SLC41A1: variants seen among roughly 807,000 people sequenced by gnomAD.
SLC41A1 encodes solute carrier family 41 (magnesium transporter), member 1.
A neutral mutation model predicts 47.3 loss-of-function variants in SLC41A1; 20 were observed. The observed-to-expected ratio is 0.42, with a 90% CI of 0.30 to 0.61. The LOEUF (loss-of-function observed/expected upper bound fraction) is 0.61, where lower values mean the gene tolerates loss of function less well. Ranked by LOEUF, SLC41A1 falls within the 20% of genes least tolerant of loss-of-function variation. The probability of loss-of-function intolerance (pLI) is 0.17; values close to 1 mark genes in which losing one functional copy is unlikely to be tolerated. For synonymous variants in SLC41A1, 282 were observed against 272.7 expected (o/e 1.03, Z -0.34); for missense variants, 504 against 674.1 (o/e 0.75, Z 2.79).
chr1:205,813,189 G>A lies in SLC41A1; in HGVS notation c.-1028C>T. On this transcript the variant is annotated 5_prime_UTR_variant, in exon 1 of 11. Transcript: ENST00000367137. ...TGGCTGCCGGTGGCAAACGTGATCT[G>A]GGGCAGACTGGGTGGCACCCCCCCC... is the stretch of plus-strand genomic sequence containing the variant. The A allele has an allele frequency of 1.0e-6, 1 of 985,466 alleles. No homozygotes were observed. The highest frequency in any genetic ancestry group is 1.2e-6 in the Non-Finnish European group (1 of 830,008). 61.0% of individuals were successfully genotyped at this position (985,466 alleles called of 1,614,324 possible).
At chr1:205,799,477 C>T (rs971821658) in intron 4 of SLC41A1, among the ~76,000 whole-genome samples, 4 of 152,176 alleles carry the variant, frequency 2.6e-5, no homozygotes, top group Non-Finnish European at 5.9e-5. Flanking sequence ...TGGCACAGGA[C>T]ATCTCAGCAC....
Position 205,797,932 on chromosome 1 carries a change from G to A in SLC41A1, c.964C>T (p.Pro322Ser). The part of the protein sequence containing the change: ...TREVLYSGWE[P>S]VIIAMAISSV... Reference sequence around the variant, plus strand: ...CTGATGGCCATGGCAATGATAACAGGCTCCCAGCCCGAGTACAACACCTCC... The same window carrying A: ...CTGATGGCCATGGCAATGATAACAGACTCCCAGCCCGAGTACAACACCTCC... Residue 322 changes from proline (P) to serine (S), a missense_variant, in exon 7 of 11, where the codon CCT becomes TCT. By Grantham distance (74) the Pro-to-Ser change is moderately conservative. Around this residue, in one of 2 missense-constraint regions of SLC41A1, gnomAD observed 421 missense variants for 601.6 expected, o/e 0.70. Transcript: ENST00000367137. 1 of 1,614,018 alleles carries A rather than the reference G, an allele frequency of 6.2e-7. No individual in the cohort carries two copies. Among genetic ancestry groups the A allele is most frequent in the East Asian group, 2.2e-5 (1 of 44,868 alleles).
chr1:205,799,059 C>A lies in SLC41A1; in HGVS notation c.595G>T (p.Val199Phe). ...VVGFLASIAA[V>F]VFGWIPDGHF... ...CCATCAGGGATCCAGCCAAAGACGA[C>A]GGCTGCGATGGACGCCAGGAAGCCC... is the stretch of plus-strand genomic sequence containing the variant. Residue 199 changes from valine (V) to phenylalanine (F), a missense_variant, in exon 5 of 11, where the codon GTC becomes TTC. This residue lies in a region of SLC41A1 where 421 missense variants were observed against 601.6 expected (regional missense o/e 0.70). Transcript: ENST00000367137. 1.9e-6 allele frequency: 3 copies of A among 1,613,168 alleles called. No individual in the cohort carries two copies. The highest frequency in any genetic ancestry group is 1.8e-4 in the Middle Eastern group (1 of 5,490).
At chr1:205,799,927 G>T in intron 3 of SLC41A1, 97 bp from the exon 4 acceptor site, 2 of 1,030,738 alleles carry the variant, frequency 1.9e-6, no homozygotes, top group Non-Finnish European at 3.0e-6. Context: ...CAGTACATGT[G>T]GCCTAAGACT....
At position 205,810,390 on chromosome 1, in the gene SLC41A1, G is replaced by C. The variant is rs981475846; in HGVS notation, c.52C>G (p.Pro18Ala). ...TCTGAAGAGCAGGGAGAGGCAGAAGGGCCAGTCCCGTTCAGTTGGTGGACG... is the reference window on the plus strand; with the variant it reads ...TCTGAAGAGCAGGGAGAGGCAGAAGCGCCAGTCCCGTTCAGTTGGTGGACG... ...KDVHQLNGTG[P>A]SASPCSSDGP... Residue 18 changes from proline (P) to alanine (A), a missense_variant, in exon 2 of 11, where the codon CCT becomes GCT. Pro to Ala is a conservative substitution (Grantham distance 27). Around this residue, in one of 2 missense-constraint regions of SLC41A1, gnomAD observed 83 missense variants for 72.5 expected, o/e 1.15. Transcript: ENST00000367137. The surrounding 1 kb of genome is among the most constrained non-coding windows in gnomAD (Gnocchi z 5.5). 6.2e-7 allele frequency: 1 copy of C among 1,614,060 alleles called. No homozygotes were observed. Among genetic ancestry groups the C allele is most frequent in the Non-Finnish European group, 8.5e-7 (1 of 1,180,046 alleles).
At chr1:205,795,302 C>A in intron 9 of SLC41A1, 42 bp downstream of exon 9, 1 of 1,613,894 alleles carries the variant, frequency 6.2e-7, no homozygotes, top group Non-Finnish European at 8.5e-7. Context: ...TGACAGTAGG[C>A]CCACTCCCCC....
At chr1:205,800,064 C>A (rs1018516355) in intron 3 of SLC41A1, among the ~76,000 whole-genome samples, 1 of 152,196 alleles carries the variant, frequency 6.6e-6, no homozygotes, top group Non-Finnish European at 1.5e-5. Flanking sequence ...CCTAGGCAGT[C>A]GCCTCTCTTC....
At position 205,791,781 on chromosome 1, in the gene SLC41A1, C is replaced by G; in HGVS notation, c.1357-63G>C. ...TCTCTCCAGGGGGAGCCAGAGGCCA[C>G]ATGATCAGACCCATTCAGTGCATCA... On this transcript the variant is annotated intron_variant, in intron 10 of 10. Coordinates refer to ENST00000367137, the MANE Select transcript of SLC41A1 (RefSeq NM_173854.6). This position sits in a 1 kb window ranked among gnomAD's most constrained non-coding sequence, Gnocchi z 4.0. The G allele has an allele frequency of 6.3e-7, 1 of 1,583,182 alleles. No homozygotes were observed. Among genetic ancestry groups the G allele is most frequent in the Non-Finnish European group, 8.6e-7 (1 of 1,161,542 alleles).
intron 8 of SLC41A1, chr1:205,796,522 G>A: frequency 1.2e-5 from 3 of 256,704 alleles, no homozygotes; most frequent in Non-Finnish European, 1.5e-5. Flanking sequence ...CCATTTGGAT[G>A]TTTGGATGCA....
At chr1:205,800,637 A>G (rs1290752213) in intron 3 of SLC41A1, among the ~76,000 whole-genome samples, 1 of 152,130 alleles carries the variant, frequency 6.6e-6, no homozygotes, top group Non-Finnish European at 1.5e-5. Flanking sequence ...AGGAACCAGC[A>G]TGATGCCTGC....
At chr1:205,800,859 C>G (rs998992475) in intron 3 of SLC41A1, 94 bp downstream of exon 3, 1 of 1,171,086 alleles carries the variant, frequency 8.5e-7, no homozygotes, top group African/African-American at 1.5e-5. Context: ...CAGGCCTGGG[C>G]AGTGGAGAAG....
intron 10 of SLC41A1, among the ~76,000 whole-genome samples, chr1:205,793,899 A>G (rs988096435): frequency 6.6e-6 from 1 of 152,248 alleles, no homozygotes; most frequent in Admixed American, 6.5e-5. Flanking sequence ...ATGGCTGTGA[A>G]GAAGAGGACA....
intron 2 of SLC41A1, among the ~76,000 whole-genome samples, chr1:205,807,158 T>C (rs559225192): frequency 2.0e-5 from 3 of 152,278 alleles, no homozygotes; most frequent in East Asian, 1.9e-4. Flanking sequence ...GAATCTGAGA[T>C]TGTCAGTCCC....
In SLC41A1 at chr1:205,794,946, A is replaced by T; in HGVS notation, c.1280T>A (p.Ile427Asn). The T allele has an allele frequency of 6.2e-7, 1 of 1,614,082 alleles. No individual in the cohort carries two copies. ...GGTGTGCCCGCCCTGCATACAGCTG[A>T]TGGTGTAGAGGAACACCAGGTGTCC... ...VPGHLVFLYT[I>N]SCMQGGHTTL... The change falls in exon 10 of 11, where the codon ATC (isoleucine) becomes AAC (asparagine). Residue 427 changes from isoleucine (I) to asparagine (N), a missense_variant. Physicochemically the swap from Ile to Asn is moderately radical, Grantham distance 149. Around this residue, in one of 2 missense-constraint regions of SLC41A1, gnomAD observed 421 missense variants for 601.6 expected, o/e 0.70. Coordinates refer to ENST00000367137, the MANE Select transcript of SLC41A1 (RefSeq NM_173854.6).
chr1:205,812,468 C>T (rs1656179609), intron 1 of SLC41A1, among the ~76,000 whole-genome samples: 1 of 152,224 alleles, frequency 6.6e-6, no homozygotes, highest in South Asian at 2.1e-4. Context: ...AAAGCTGACA[C>T]CCCCGCCTCC....
chr1:205,795,170 G>A (rs1354055224), intron 9 of SLC41A1, 152 bp from the exon 10 acceptor site: 35 of 1,420,696 alleles, frequency 2.5e-5, no homozygotes, highest in Non-Finnish European at 3.2e-5. Context: ...CAACCCCTAG[G>A]GTGCTCCAGG....
rs747442916 is a variant in SLC41A1 at position 205,795,017 on chromosome 1, A to C, written c.1209T>G (p.Asp403Glu). ...PSPCTTFFSP[D>E]VNSRSARVLF... The stretch of plus-strand genomic sequence containing the variant: ...GGACCCGGGCTGAGCGAGAATTCAC[A>C]TCTGGAATTGGGGAAAAGAGGGTGT... The change falls in exon 10 of 11, where the codon GAT (aspartate) becomes GAG (glutamate). Residue 403 changes from aspartate to glutamate, a missense_variant and splice_region_variant. By Grantham distance (45) the Asp-to-Glu change is conservative. This residue lies in a region of SLC41A1 where 421 missense variants were observed against 601.6 expected (regional missense o/e 0.70). Transcript: ENST00000367137. 2.5e-6 allele frequency: 4 copies of C among 1,613,876 alleles called. No homozygotes were observed. The highest frequency in any genetic ancestry group is 3.4e-6 in the Non-Finnish European group (4 of 1,179,946).
Position 205,803,371 on chromosome 1 carries a change from T to G in SLC41A1, c.373-2311A>C, listed in dbSNP as rs147018874. Among the ~76,000 whole-genome samples, 388 of 152,296 alleles carry G rather than the reference T, an allele frequency of 2.5e-3. 2 individuals carry two copies. The South Asian group carries it at 0.027, about 10-fold the overall frequency. ...TCTTGAAGATATATTAATATGCCCA[T>G]GTTCATAGTAGCACTATATGTAATA... On this transcript the variant is annotated intron_variant, in intron 2 of 10. Transcript: ENST00000367137.
chr1:205,806,254 A>G (rs1656012334), intron 2 of SLC41A1, among the ~76,000 whole-genome samples: 1 of 152,192 alleles, frequency 6.6e-6, no homozygotes, highest in Non-Finnish European at 1.5e-5. Context: ...AGTGAAGCAG[A>G]TAAGAGTGTC....
Sources: gnomAD v4.1 joint callset for allele counts (sites outside exome capture counted in the v4.1 genomes callset) on GRCh38, gnomAD v4.1.1 for gene constraint, gnomAD v4.1.1 regional missense constraint, Gnocchi (gnomAD v3.1) non-coding constraint, MANE v1.5 for transcripts, NCBI Gene and HGNC (gene_info 2026-07-23, HGNC 2026-07-21) for gene names.